The following DOK6 variants were observed in gnomAD, a reference collection of about 807,000 sequenced individuals.
DOK6 encodes the protein docking protein 6.
Under a neutral mutation model 44.0 loss-of-function variants are expected in DOK6, and 22 were observed. The observed-to-expected ratio is 0.50, with a 90% confidence interval of 0.36 to 0.71. The LOEUF is 0.71. Among genes scored for constraint, DOK6 ranks in the 30% least tolerant of loss-of-function variants. The pLI is 0.00. For missense variants in DOK6, 340 were observed against 416.4 expected (o/e 0.82, Z 1.60); for synonymous variants, 166 against 145.5 (o/e 1.14, Z -1.01).
chr18:69,700,238 T>TATATATATATA (rs1162107028), intron 5 of DOK6, among the ~76,000 whole-genome samples: 2 of 147,856 alleles, frequency 1.4e-5, no homozygotes, highest in Admixed American at 6.8e-5. Context: ...TATATATGAA[T>TATATATATATA]TGAATGTTGT....
At chr18:69,646,596 C>T (rs1373632835) in intron 3 of DOK6, among the ~76,000 whole-genome samples, 3 of 152,050 alleles carry the variant, frequency 2.0e-5, no homozygotes, top group South Asian at 4.1e-4. Flanking sequence ...TCCATGGTGC[C>T]CATTTGGTGG....
At chr18:69,509,992 T>C (rs909627539) in intron 1 of DOK6, among the ~76,000 whole-genome samples, 5 of 152,236 alleles carry the variant, frequency 3.3e-5, no homozygotes, top group African/African-American at 4.8e-5. Flanking sequence ...AACTGTCCTG[T>C]TTTATTAAAT....
chr18:69,481,883 T>G (rs1980434578), intron 1 of DOK6, among the ~76,000 whole-genome samples: 1 of 152,200 alleles, frequency 6.6e-6, no homozygotes. Context: ...CTCCAGCACC[T>G]GTTGTTTCCT....
At chr18:69,725,033 G>C (rs375919526) in intron 5 of DOK6, 3 of 152,270 alleles carry the variant, frequency 2.0e-5, no homozygotes, top group South Asian at 4.1e-4. Context: ...ATACTTCTCA[G>C]TTATGTACAT....
chr18:69,441,337 G>A (rs913535397), intron 1 of DOK6, among the ~76,000 whole-genome samples: 1 of 152,068 alleles, frequency 6.6e-6, no homozygotes. Context: ...CAAAGGTTGT[G>A]TATATTTTTA....
chr18:69,591,610 T>A (rs57089169), intron 2 of DOK6, among the ~76,000 whole-genome samples: 5,192 of 152,078 alleles, frequency 0.034, 108 homozygotes, highest in East Asian at 0.12. Context: ...AATATTTTTT[T>A]AAAAATATGT....
chr18:69,741,126 G>A (rs1030909736), intron 6 of DOK6, among the ~76,000 whole-genome samples: 12 of 152,298 alleles, frequency 7.9e-5, no homozygotes, highest in Admixed American at 2.0e-4. Flanking sequence ...TATCAGTGCT[G>A]AGACAGAGAT....
chr18:69,807,007 G>C (rs536032542), intron 7 of DOK6, among the ~76,000 whole-genome samples: 1 of 151,968 alleles, frequency 6.6e-6, no homozygotes, highest in South Asian at 2.1e-4. Flanking sequence ...TAGTTTTATT[G>C]TCAGTTTATT....
chr18:69,833,077 C>T lies in DOK6; in HGVS notation c.857-8167C>T, dbSNP rs140593855. Among the ~76,000 whole-genome samples, 387 of 152,112 alleles carry T rather than the reference C, an allele frequency of 2.5e-3. 3 individuals are homozygous for T. The highest frequency in any genetic ancestry group is 8.8e-3 in the African/African-American group (365 of 41,520). On this transcript the variant is annotated intron_variant, in intron 7 of 7. Transcript: ENST00000382713. ...AGAAAAGACAATTCTAAAATTCACA[C>T]GGTACCACAAAAGACCCCAAATAAC...
intron 3 of DOK6, among the ~76,000 whole-genome samples, chr18:69,641,454 A>C (rs1461096453): frequency 2.0e-5 from 3 of 152,198 alleles, no homozygotes; most frequent in Admixed American, 2.0e-4. Flanking sequence ...AAAAATTTAG[A>C]CTCTGGAGCC....
At chr18:69,678,117 C>T (rs1344562733) in intron 4 of DOK6, among the ~76,000 whole-genome samples, 2 of 152,028 alleles carry the variant, frequency 1.3e-5, no homozygotes, top group East Asian at 1.9e-4. Context: ...GGTGTGGTGG[C>T]CCGCACCTGT....
intron 1 of DOK6, among the ~76,000 whole-genome samples, chr18:69,498,783 G>A (rs1362835488): frequency 6.6e-6 from 1 of 152,162 alleles, no homozygotes; most frequent in Non-Finnish European, 1.5e-5. Context: ...GCACTCTCTT[G>A]TACAAAGATG....
intron 7 of DOK6, among the ~76,000 whole-genome samples, chr18:69,826,476 A>C (rs939775219): frequency 6.6e-6 from 1 of 152,222 alleles, no homozygotes; most frequent in Non-Finnish European, 1.5e-5. Context: ...TTAAGATGAC[A>C]ATTTTTATTG....
chr18:69,647,137 T>TACCCTATCC, intron 3 of DOK6, among the ~76,000 whole-genome samples: 1 of 131,772 alleles, frequency 7.6e-6, no homozygotes, highest in East Asian at 2.1e-4. Context: ...CCTGTCTATC[T>TACCCTATCC]ATCTACCCTA....
chr18:69,493,951 A>G (rs1025178578), intron 1 of DOK6, among the ~76,000 whole-genome samples: 2 of 152,208 alleles, frequency 1.3e-5, no homozygotes, highest in African/African-American at 4.8e-5. Flanking sequence ...ATGCATTCAG[A>G]TAGCAATTTT....
chr18:69,809,719 ATT>A (rs571078534), intron 7 of DOK6, among the ~76,000 whole-genome samples: 153 of 152,016 alleles, frequency 1.0e-3, no homozygotes, highest in African/African-American at 3.5e-3. Flanking sequence ...AAATAATCCT[ATT>A]TATAATGGCT....
chr18:69,691,458 C>T (rs1050959492), intron 4 of DOK6, among the ~76,000 whole-genome samples: 5 of 152,156 alleles, frequency 3.3e-5, no homozygotes, highest in Admixed American at 6.5e-5. Context: ...GGAGGACAGA[C>T]TGGCTTCTCA....
chr18:69,446,591 C>T (rs1230969428), intron 1 of DOK6, among the ~76,000 whole-genome samples: 3 of 152,094 alleles, frequency 2.0e-5, no homozygotes, highest in African/African-American at 7.2e-5. Context: ...ATGGCTGGGT[C>T]AAATGGTATT....
chr18:69,503,851 G>C (rs1366901685), intron 1 of DOK6, among the ~76,000 whole-genome samples: 1 of 151,890 alleles, frequency 6.6e-6, no homozygotes, highest in Non-Finnish European at 1.5e-5. Context: ...GAAATGAATA[G>C]AGTCATTATT....
Sources: gnomAD v4.1 joint callset for allele counts (sites outside exome capture counted in the v4.1 genomes callset) on GRCh38, gnomAD v4.1.1 for gene constraint, MANE v1.5 for transcripts, NCBI Gene and HGNC (gene_info 2026-07-23, HGNC 2026-07-21) for gene names.